GPR158: variants seen among roughly 807,000 people sequenced by gnomAD.
The protein encoded by GPR158 is G protein-coupled receptor 158, also known as metabotropic glycine receptor.
A neutral mutation model predicts 78.2 loss-of-function variants in GPR158; 30 were observed. The ratio of observed to expected loss-of-function variants is 0.38; its 90% CI spans 0.29 to 0.52. The LOEUF is 0.52. Ranked by LOEUF, GPR158 falls within the 20% of genes least tolerant of loss-of-function variation. The pLI is 0.83. For missense variants in GPR158, 1,463 were observed against 1,523.5 expected (o/e 0.96, Z 0.66); for synonymous variants, 581 against 591.1 (o/e 0.98, Z 0.25).
chr10:25,510,260 C>G (rs772027077), intron 5 of GPR158, among the ~76,000 whole-genome samples: 1 of 152,038 alleles, frequency 6.6e-6, no homozygotes, highest in Non-Finnish European at 1.5e-5. Flanking sequence ...AGATAGACAA[C>G]CAAGAGTGTT....
intron 4 of GPR158, among the ~76,000 whole-genome samples, chr10:25,419,927 A>T (rs914341909): frequency 6.6e-6 from 1 of 152,134 alleles, no homozygotes; most frequent in African/African-American, 2.4e-5. Context: ...TTTATCCATG[A>T]TTATATTATC....
At chr10:25,596,425 T>C (rs1837407011) in intron 9 of GPR158, among the ~76,000 whole-genome samples, 1 of 152,072 alleles carries the variant, frequency 6.6e-6, no homozygotes, top group South Asian at 2.1e-4. Flanking sequence ...TGCCTGTGAA[T>C]AGCTGCTGCT....
intron 4 of GPR158, among the ~76,000 whole-genome samples, chr10:25,446,964 T>C (rs1351829132): frequency 6.6e-6 from 1 of 152,196 alleles, no homozygotes; most frequent in Non-Finnish European, 1.5e-5. Flanking sequence ...TTATTTGTTT[T>C]TTATGGTTCC....
intron 2 of GPR158, among the ~76,000 whole-genome samples, chr10:25,325,704 GC>G (rs1390037705): frequency 1.5e-4 from 23 of 152,118 alleles, no homozygotes; most frequent in Admixed American, 1.4e-3. Flanking sequence ...TTTTATAGTG[GC>G]TATACTAATT....
At chr10:25,562,019 G>T (rs1359898722) in intron 6 of GPR158, among the ~76,000 whole-genome samples, 1 of 125,354 alleles carries the variant, frequency 8.0e-6, no homozygotes, top group Non-Finnish European at 1.6e-5. Context: ...GGAGGATGCA[G>T]AAGAATTTTT....
intron 2 of GPR158, among the ~76,000 whole-genome samples, chr10:25,255,900 T>C (rs1853883239): frequency 6.6e-6 from 1 of 152,190 alleles, no homozygotes; most frequent in African/African-American, 2.4e-5. Context: ...TATATACCTG[T>C]CCATACTCAA....
At chr10:25,280,822 A>T (rs1474603182) in intron 2 of GPR158, among the ~76,000 whole-genome samples, 1 of 152,132 alleles carries the variant, frequency 6.6e-6, no homozygotes, top group Non-Finnish European at 1.5e-5. Flanking sequence ...TACTGACCAC[A>T]TGCTGTGCCT....
At chr10:25,276,806 TAAGTC>T (rs1277082432) in intron 2 of GPR158, among the ~76,000 whole-genome samples, 1 of 152,122 alleles carries the variant, frequency 6.6e-6, no homozygotes, top group Non-Finnish European at 1.5e-5. Context: ...CCAGAGATTT[TAAGTC>T]AAGAAAAGTG....
intron 5 of GPR158, among the ~76,000 whole-genome samples, chr10:25,534,355 T>C (rs917231824): frequency 3.3e-5 from 5 of 152,052 alleles, no homozygotes; most frequent in Non-Finnish European, 5.9e-5. Context: ...AAGATCTGAA[T>C]TAGGCCAGGC....
intron 8 of GPR158, among the ~76,000 whole-genome samples, chr10:25,590,958 C>G (rs529273958): frequency 4.6e-5 from 7 of 152,188 alleles, no homozygotes; most frequent in African/African-American, 1.7e-4. Flanking sequence ...AAACTTTAAA[C>G]TGGCCTAGGT....
At chr10:25,532,740 TAA>T (rs5783940) in intron 5 of GPR158, among the ~76,000 whole-genome samples, 1 of 147,786 alleles carries the variant, frequency 6.8e-6, no homozygotes, top group African/African-American at 2.5e-5. Context: ...ACATTTGTTG[TAA>T]AAAAAAAAAA....
rs763387183 is a variant in GPR158 at position 25,176,373 on chromosome 10, C to T, written c.902+51C>T. 5 of 1,399,196 alleles carry T rather than the reference C, an allele frequency of 3.6e-6. No individual in the cohort carries two copies. The highest frequency in any genetic ancestry group is 1.4e-5 in the South Asian group (1 of 72,088). 86.7% of individuals were successfully genotyped at this position (1,399,196 alleles called of 1,614,324 possible). ...GAAGGCAAAAGCGAAGCTTTCCTTC[C>T]GGTCTTGTGGGTGGGTGCACGTGTG... On this transcript the variant is annotated intron_variant, in intron 1 of 10. Transcript: ENST00000376351. The surrounding 1 kb of genome is among the most constrained non-coding windows in gnomAD (Gnocchi z 6.3).
At chr10:25,350,537 G>A (rs904754699) in intron 2 of GPR158, among the ~76,000 whole-genome samples, 2 of 151,970 alleles carry the variant, frequency 1.3e-5, no homozygotes, top group African/African-American at 4.8e-5. Flanking sequence ...ACTTAGCCCC[G>A]TTGGTCAGTT....
intron 5 of GPR158, among the ~76,000 whole-genome samples, chr10:25,515,261 TC>T (rs1391599529): frequency 2.0e-5 from 3 of 152,116 alleles, no homozygotes; most frequent in Non-Finnish European, 4.4e-5. Context: ...TCAAGTTCTT[TC>T]TTCTACTTGT....
intron 2 of GPR158, among the ~76,000 whole-genome samples, chr10:25,316,014 T>C (rs573501605): frequency 9.2e-5 from 14 of 152,310 alleles, no homozygotes; most frequent in African/African-American, 3.4e-4. Context: ...ATATAAATAC[T>C]GTATTTTATA....
Position 25,598,872 on chromosome 10 carries a change from G to A in GPR158, c.3246G>A (p.Leu1082=). 1 of 1,614,074 alleles carries A rather than the reference G, an allele frequency of 6.2e-7. No individual in the cohort carries two copies. The highest frequency in any genetic ancestry group is 8.5e-7 in the Non-Finnish European group (1 of 1,180,000). Residue 1082 remains leucine (L), a synonymous_variant, in exon 11 of 11, where the codon TTG becomes TTA. Coordinates refer to ENST00000376351, the MANE Select transcript of GPR158 (RefSeq NM_020752.3). ...CLWESQGQSI[L]EDEKLLISKT... ...GGGAGAGCCAAGGCCAGTCCATTTT[G>A]GAAGATGAGAAGCTTTTGATTTCCA...
At chr10:25,597,306 A>C (rs1352802970) in intron 10 of GPR158, among the ~76,000 whole-genome samples, 1 of 152,212 alleles carries the variant, frequency 6.6e-6, no homozygotes, top group East Asian at 1.9e-4. Context: ...GATTCTTCCA[A>C]TACTACTCAG....
intron 2 of GPR158, among the ~76,000 whole-genome samples, chr10:25,300,810 A>G (rs1455627437): frequency 1.3e-5 from 2 of 152,150 alleles, no homozygotes; most frequent in Non-Finnish European, 2.9e-5. Flanking sequence ...AAATAGAAAC[A>G]TGGAAATAAA....
At chr10:25,261,672 G>A (rs946663275) in intron 2 of GPR158, among the ~76,000 whole-genome samples, 6 of 152,134 alleles carry the variant, frequency 3.9e-5, no homozygotes, top group Non-Finnish European at 5.9e-5. Flanking sequence ...TTAACACGGC[G>A]GAGTCAGTTG....
Sources: gnomAD v4.1 joint callset for allele counts (sites outside exome capture counted in the v4.1 genomes callset) on GRCh38, gnomAD v4.1.1 for gene constraint, Gnocchi (gnomAD v3.1) non-coding constraint, MANE v1.5 for transcripts, NCBI Gene and HGNC (gene_info 2026-07-23, HGNC 2026-07-21) for gene names.